Variants in ADCY6 observed in about 807,000 individuals in gnomAD.
ADCY6 encodes adenylate cyclase 6.
ADCY6 carries 59 observed loss-of-function variants against 111.6 expected under a neutral mutation model. That is an observed-to-expected ratio of 0.53 (90% CI 0.43 to 0.66). The LOEUF is 0.66. ADCY6 is among the 30% of genes least tolerant of loss of function. The pLI is 0.00. For synonymous variants in ADCY6, 576 were observed against 642.9 expected, an observed-to-expected ratio of 0.90 and a Z score of 1.57; for missense variants, 1,242 against 1,595.6, an observed-to-expected ratio of 0.78 and a Z score of 3.78.
intron 2 of ADCY6, 98 bp from the exon 3 acceptor site, chr12:48,778,355 G>T: frequency 6.7e-7 from 1 of 1,502,734 alleles, no homozygotes; most frequent in Non-Finnish European, 9.2e-7. Flanking sequence ...CTCTGAGGAA[G>T]GAAGCCAGGG....
At position 48,782,311 on chromosome 12, in the gene ADCY6, C is replaced by T. The variant is rs886747349; in HGVS notation, c.864+260G>A. Among the ~76,000 whole-genome samples the T allele has an allele frequency of 4.6e-5, 7 of 152,118 alleles. No individual in the cohort carries two copies. Among genetic ancestry groups the T allele is most frequent in the African/African-American group, 1.7e-4 (7 of 41,402 alleles). On this transcript the variant is annotated intron_variant, in intron 2 of 21. Transcript: ENST00000357869. This position sits in a 1 kb window ranked among gnomAD's most constrained non-coding sequence, Gnocchi z 4.3. ...CGGGCTAAAGAGCCGGAGACTGGGG[C>T]CCATGGTGACAGAGTTCAGGCTTGG...
intron 20 of ADCY6, among the ~76,000 whole-genome samples, 200 bp downstream of exon 20, chr12:48,770,566 G>A (rs536161174): frequency 2.6e-5 from 4 of 152,164 alleles, no homozygotes; most frequent in Non-Finnish European, 4.4e-5. Context: ...ATAGTATCAG[G>A]ATTAAAATAT....
intron 20 of ADCY6, among the ~76,000 whole-genome samples, chr12:48,769,867 T>C (rs1051454271): frequency 6.7e-6 from 1 of 150,236 alleles, no homozygotes; most frequent in African/African-American, 2.4e-5. Flanking sequence ...GTTCACACCA[T>C]TCTCCTGCCT....
chr12:48,779,311 T>A (rs1941786937), intron 2 of ADCY6, among the ~76,000 whole-genome samples: 1 of 152,212 alleles, frequency 6.6e-6, no homozygotes, highest in Non-Finnish European at 1.5e-5. Context: ...GTGGCTAGTG[T>A]GAGACTTGAA....
At chr12:48,772,034 A>G in intron 18 of ADCY6, 61 bp from the exon 19 acceptor site, 1 of 1,549,962 alleles carries the variant, frequency 6.5e-7, no homozygotes, top group Non-Finnish European at 8.7e-7. Flanking sequence ...TGTGGTGGCC[A>G]AGGCTTGGAA....
In ADCY6 at chr12:48,778,143, C is replaced by A. The variant is rs1352556620; in HGVS notation, c.979G>T (p.Ala327Ser). The change falls in exon 3 of 22, where the codon GCC (alanine) becomes TCC (serine). Residue 327 changes from alanine to serine, a missense_variant. Transcript: ENST00000357869. Reference sequence around the variant, plus strand: ...TTCTCATGCTGCAGGTGGAGCCGGGCCTGGATGTAACCGCGGGTCTCCTGA... The same window carrying A: ...TTCTCATGCTGCAGGTGGAGCCGGGACTGGATGTAACCGCGGGTCTCCTGA... ...AFQETRGYIQ[A>S]RLHLQHENRQ... The A allele has an allele frequency of 1.2e-6, 2 of 1,613,454 alleles. No homozygotes were observed. The highest frequency in any genetic ancestry group is 3.3e-5 in the Admixed American group (2 of 59,938).
chr12:48,783,893 G>T (rs2137391389), intron 1 of ADCY6: 1 of 163,282 alleles, frequency 6.1e-6, no homozygotes, highest in South Asian at 1.6e-4. Context: ...GACCAGCCTG[G>T]CCAAGATGGT....
intron 9 of ADCY6, 105 bp downstream of exon 9, chr12:48,775,858 A>C: frequency 3.3e-6 from 5 of 1,527,084 alleles, no homozygotes; most frequent in Non-Finnish European, 4.4e-6. Flanking sequence ...CAATACCAGA[A>C]AGCATACATG....
In ADCY6 at chr12:48,769,031, A is replaced by C. The variant is rs777054680; in HGVS notation, c.3287T>G (p.Val1096Gly). 6.2e-7 allele frequency: 1 copy of C among 1,613,100 alleles called. No individual in the cohort carries two copies. The highest frequency in any genetic ancestry group is 8.5e-7 in the Non-Finnish European group (1 of 1,179,566). ...GLNMGPVVAGVIGARKPQYDI... is the reference protein window; with the variant it reads ...GLNMGPVVAGGIGARKPQYDI... ...ATACTGTGGCTTCCGAGCCCCGATG[A>C]CACCTGCCACGACTGGGCCCATGTT... The change falls in exon 21 of 22, where the codon GTC becomes GGC. Residue 1096 changes from valine (V) to glycine (G), a missense_variant. Transcript: ENST00000357869.
chr12:48,778,101 G>A lies in ADCY6; in HGVS notation c.1014+7C>T. On this transcript the variant is annotated splice_region_variant and intron_variant, in intron 3 of 21. Transcript: ENST00000357869. ...GGGCAGGCCCTGGTCACGGGGAGCA[G>A]CCCCACCTGCTGCCGATTCTCATGC... 1.9e-6 allele frequency: 3 copies of A among 1,603,968 alleles called. No homozygotes were observed. Among genetic ancestry groups the A allele is most frequent in the Admixed American group, 1.7e-5 (1 of 58,168 alleles).
chr12:48,768,386 T>G lies in ADCY6; in HGVS notation c.*205A>C. On this transcript the variant is annotated 3_prime_UTR_variant, in exon 22 of 22. Transcript: ENST00000357869. ...ACCCCAAGTAAGAAAGAAAGTCACTTGCATAATCCTCTCGGTAGGTAGCCC... is the reference window on the plus strand; with the variant it reads ...ACCCCAAGTAAGAAAGAAAGTCACTGGCATAATCCTCTCGGTAGGTAGCCC... 1.4e-6 allele frequency: 1 copy of G among 690,308 alleles called. No individual in the cohort carries two copies. The allele number at this position is 690,308 out of a possible 1,614,324, so 42.8% of individuals were successfully genotyped here.
Position 48,776,007 on chromosome 12 carries a change from G to C in ADCY6, c.1762C>G (p.Arg588Gly), listed in dbSNP as rs143383917. ...EGLMPRWVPD[R>G]AFSRTKDSKA... is the part of the protein sequence containing the mutation. ...GAGTCCTTGGTCCGGGAGAAGGCAC[G>C]ATCAGGAACCCAGCGCGGCATCAGC... Residue 588 changes from arginine to glycine, a missense_variant, in exon 9 of 22, where the codon CGT becomes GGT. Physicochemically the swap from Arg to Gly is moderately radical, Grantham distance 125. Coordinates refer to ENST00000357869, the MANE Select transcript of ADCY6 (RefSeq NM_015270.5). The surrounding 1 kb of genome is among the most constrained non-coding windows in gnomAD (Gnocchi z 6.1). 5.0e-6 allele frequency: 8 copies of C among 1,612,132 alleles called. No homozygotes were observed. The highest frequency in any genetic ancestry group is 2.2e-5 in the South Asian group (2 of 90,656).
At position 48,782,778 on chromosome 12, in the gene ADCY6, C is replaced by T. The variant is rs1337079699; in HGVS notation, c.657G>A (p.Leu219=). The T allele has an allele frequency of 1.9e-6, 3 of 1,613,248 alleles. No homozygotes were observed. Among genetic ancestry groups the T allele is most frequent in the East Asian group, 4.5e-5 (2 of 44,866 alleles). The change falls in exon 2 of 22, where the codon CTG becomes CTA. Residue 219 remains leucine, a synonymous_variant. Coordinates refer to ENST00000357869, the MANE Select transcript of ADCY6 (RefSeq NM_015270.5). The surrounding 1 kb of genome is among the most constrained non-coding windows in gnomAD (Gnocchi z 4.3). ...WVVSYVVLGI[L]AAVQVGGALA... Reference sequence around the variant, plus strand: ...GAGCGCCCCCGACCTGCACTGCCGCCAGGATGCCCAGCACCACGTAGCTCA... The same window carrying T: ...GAGCGCCCCCGACCTGCACTGCCGCTAGGATGCCCAGCACCACGTAGCTCA...
chr12:48,784,665 G>GTTGTTTT (rs1941942783), intron 1 of ADCY6, among the ~76,000 whole-genome samples: 3 of 72,294 alleles, frequency 4.1e-5, no homozygotes, highest in African/African-American at 1.8e-4. Flanking sequence ...AAAATCTGGA[G>GTTGTTTT]TTTTTTTTTT....
At chr12:48,778,652 A>G (rs1445857931) in intron 2 of ADCY6, among the ~76,000 whole-genome samples, 1 of 152,168 alleles carries the variant, frequency 6.6e-6, no homozygotes, top group African/African-American at 2.4e-5. Context: ...TGAGCTCTAC[A>G]TCCTCCTGTG....
In ADCY6 at chr12:48,782,874, G is replaced by A. The variant is rs141293016; in HGVS notation, c.561C>T (p.Ala187=). 9.3e-6 allele frequency: 15 copies of A among 1,614,006 alleles called. No individual in the cohort carries two copies. Among genetic ancestry groups the A allele is most frequent in the African/African-American group, 8.0e-5 (6 of 75,064 alleles). ...QPAYVALLAC[A]AALFVGLMVV... is the part of the protein sequence containing the mutation. ...CCATGAGCCCCACGAACAGGGCGGCGGCACAGGCCAACAGTGCCACATAGG... is the reference window on the plus strand; with the variant it reads ...CCATGAGCCCCACGAACAGGGCGGCAGCACAGGCCAACAGTGCCACATAGG... Residue 187 remains alanine, a synonymous_variant, in exon 2 of 22, where the codon GCC becomes GCT. Transcript: ENST00000357869. The surrounding 1 kb of genome is among the most constrained non-coding windows in gnomAD (Gnocchi z 4.3).
chr12:48,768,768 T>A, intron 21 of ADCY6, 52 bp from the exon 22 acceptor site: 1 of 1,600,472 alleles, frequency 6.2e-7, no homozygotes, highest in Non-Finnish European at 8.5e-7. Context: ...CCTGCTGCAT[T>A]TGCAGGGGCC....
rs1195012006 is a variant in ADCY6, at chr12:48,778,166, T to C, written c.956A>G (p.Gln319Arg). Reference sequence around the variant, plus strand: ...GGCCTGGATGTAACCGCGGGTCTCCTGAAAGGCCTGGCGCTGAGACACCTC... The same window carrying C: ...GGCCTGGATGTAACCGCGGGTCTCCCGAAAGGCCTGGCGCTGAGACACCTC... ...PAEVSQRQAFQETRGYIQARL... is the reference protein window; with the variant it reads ...PAEVSQRQAFRETRGYIQARL... The change falls in exon 3 of 22, where the codon CAG becomes CGG. Residue 319 changes from glutamine to arginine, a missense_variant. Gln to Arg is a conservative substitution (Grantham distance 43). This residue lies in a region of ADCY6 where 260 missense variants were observed against 414.6 expected (regional missense o/e 0.63). Coordinates refer to ENST00000357869, the MANE Select transcript of ADCY6 (RefSeq NM_015270.5). 6.2e-7 allele frequency: 1 copy of C among 1,614,056 alleles called. No individual in the cohort carries two copies. The highest frequency in any genetic ancestry group is 8.5e-7 in the Non-Finnish European group (1 of 1,180,006).
rs1443561396 is a variant in ADCY6 at position 48,768,488 on chromosome 12, G to A, written c.*103C>T. On this transcript the variant is annotated 3_prime_UTR_variant, in exon 22 of 22. Transcript: ENST00000357869. ...GGATGTTCCCTTTTGTGGTTAGCAGGGTCTGGAGGCTCAGTGCCCCCTGCC... is the reference window on the plus strand; with the variant it reads ...GGATGTTCCCTTTTGTGGTTAGCAGAGTCTGGAGGCTCAGTGCCCCCTGCC... 2.3e-5 allele frequency: 36 copies of A among 1,535,472 alleles called. No individual in the cohort carries two copies. The highest frequency in any genetic ancestry group is 3.1e-5 in the Non-Finnish European group (34 of 1,113,034).
Sources: allele counts gnomAD v4.1 joint callset (sites outside exome capture counted in the v4.1 genomes callset), GRCh38; gene constraint gnomAD v4.1.1; regional missense constraint gnomAD v4.1.1; non-coding constraint Gnocchi (gnomAD v3.1); transcripts MANE v1.5; gene names NCBI Gene and HGNC (gene_info 2026-07-23, HGNC 2026-07-21).